Variants in LSS observed in about 807,000 individuals in gnomAD.
LSS encodes the protein lanosterol synthase.
LSS carries 90 observed loss-of-function variants against 110.3 expected under a neutral mutation model. That is an observed-to-expected ratio of 0.82 (90% CI 0.69 to 0.97). The LOEUF (loss-of-function observed/expected upper bound fraction) is 0.97. Ranked by LOEUF, LSS falls within the 50% of genes least tolerant of loss-of-function variation. The probability of loss-of-function intolerance (pLI) is 0.00; values close to 1 mark genes in which losing one functional copy is unlikely to be tolerated. For synonymous variants in LSS, 433 were observed against 400.0 expected (o/e 1.08, Z -0.98); for missense variants, 927 against 990.0 (o/e 0.94, Z 0.85).
intron 14 of LSS, 28 bp from the exon 15 acceptor site, chr21:46,207,605 C>A (rs1485409678): frequency 6.2e-7 from 1 of 1,600,636 alleles, no homozygotes; most frequent in Non-Finnish European, 8.5e-7. Flanking sequence ...TGACTCCAGG[C>A]TGGGGGTGTC....
At chr21:46,208,460 C>T (rs1344644961) in intron 13 of LSS, among the ~76,000 whole-genome samples, 159 bp from the exon 14 acceptor site, 5 of 152,208 alleles carry the variant, frequency 3.3e-5, no homozygotes, top group Non-Finnish European at 7.3e-5. Context: ...CTGCGAGGCG[C>T]GCGAGGGCCT....
chr21:46,222,828 C>T, intron 3 of LSS, 90 bp from the exon 4 acceptor site: 1 of 907,104 alleles, frequency 1.1e-6, no homozygotes, highest in South Asian at 1.4e-5. Context: ...CTCACTCCAA[C>T]AGGGAGCTAC....
chr21:46,228,490 C>G lies in LSS; in HGVS notation c.124G>C (p.Glu42Gln), dbSNP rs1569040139. The change falls in exon 2 of 22, where the codon GAG (glutamate) becomes CAG (glutamine). Residue 42 changes from glutamate (E) to glutamine (Q), a missense_variant. Transcript: ENST00000397728. ...GRQTWTYLQD[E>Q]RAGREQTGLE... ...CCGGTCTGCTCGCGGCCGGCGCGCTCGTCCTGCAGGTAGGTCCACGTCTGC... is the reference window on the plus strand; with the variant it reads ...CCGGTCTGCTCGCGGCCGGCGCGCTGGTCCTGCAGGTAGGTCCACGTCTGC... The G allele has an allele frequency of 6.2e-7, 1 of 1,603,246 alleles. No homozygotes were observed.
chr21:46,191,806 A>C, intron 21 of LSS, 75 bp downstream of exon 21: 1 of 1,248,482 alleles, frequency 8.0e-7, no homozygotes, highest in Non-Finnish European at 1.2e-6. Flanking sequence ...GACACAGAGC[A>C]GGGGGACGTG....
In LSS at chr21:46,206,780, G is replaced by A. The variant is rs1324430453; in HGVS notation, c.1468-12C>T. The A allele has an allele frequency of 6.2e-7, 1 of 1,604,638 alleles. No individual in the cohort carries two copies. The highest frequency in any genetic ancestry group is 8.5e-7 in the Non-Finnish European group (1 of 1,175,766). On this transcript the variant is annotated splice_polypyrimidine_tract_variant and intron_variant, in intron 15 of 21. Transcript: ENST00000397728. The stretch of plus-strand genomic sequence containing the variant: ...CTCATGTTCAGCAGCTGAAATCACA[G>A]AGAGCACCCTAGAACTCGCCCATGT...
chr21:46,208,125 G>T, intron 14 of LSS, 126 bp downstream of exon 14: 1 of 814,422 alleles, frequency 1.2e-6, no homozygotes, highest in South Asian at 1.6e-5. Context: ...ACCACAGCAG[G>T]ACACCCAAAA....
chr21:46,206,097 A>G (rs953762325), intron 16 of LSS, among the ~76,000 whole-genome samples, 156 bp from the exon 17 acceptor site: 8 of 152,208 alleles, frequency 5.3e-5, no homozygotes, highest in Non-Finnish European at 1.2e-4. Flanking sequence ...CGGCTGGTCC[A>G]GGACACACAC....
chr21:46,209,439 A>T lies in LSS; in HGVS notation c.1266+115T>A, dbSNP rs1569027092. On this transcript the variant is annotated intron_variant, in intron 13 of 21. Coordinates refer to ENST00000397728, the MANE Select transcript of LSS (RefSeq NM_002340.6). This position sits in a 1 kb window ranked among gnomAD's most constrained non-coding sequence, Gnocchi z 4.4. Reference sequence around the variant, plus strand: ...GATGGGAGGGTGGGGGTGACCTGAAACACCAGTGCAGGAAATAGGGCAGGG... The same window carrying T: ...GATGGGAGGGTGGGGGTGACCTGAATCACCAGTGCAGGAAATAGGGCAGGG... 2.1e-6 allele frequency: 2 copies of T among 930,576 alleles called. No homozygotes were observed. Among genetic ancestry groups the T allele is most frequent in the Admixed American group, 2.6e-5 (1 of 37,976 alleles). 57.6% of individuals were successfully genotyped at this position (930,576 alleles called of 1,614,324 possible). A position where few individuals can be genotyped will look rare whatever the true frequency, so the allele number is the denominator to read the frequency against.
chr21:46,221,640 G>A (rs2080280381), intron 5 of LSS: 2 of 620,760 alleles, frequency 3.2e-6, no homozygotes, highest in African/African-American at 1.8e-5. Context: ...TTGCAGGCGT[G>A]AGCCACTCAC....
Position 46,222,610 on chromosome 21 carries a change from A to G in LSS, c.428+20T>C. On this transcript the variant is annotated intron_variant, in intron 4 of 21. Coordinates refer to ENST00000397728, the MANE Select transcript of LSS (RefSeq NM_002340.6). ...CACACACATGCACATGTGCAGTGACACAGGGGCAGGCACACTCACAGGCCC... is the reference window on the plus strand; with the variant it reads ...CACACACATGCACATGTGCAGTGACGCAGGGGCAGGCACACTCACAGGCCC... 6.2e-7 allele frequency: 1 copy of G among 1,601,996 alleles called. No homozygotes were observed. Among genetic ancestry groups the G allele is most frequent in the South Asian group, 1.1e-5 (1 of 90,808 alleles).
In LSS at chr21:46,194,669, G is replaced by C. The variant is rs1569017685; in HGVS notation, c.1818-8C>G. On this transcript the variant is annotated splice_polypyrimidine_tract_variant and splice_region_variant and intron_variant, in intron 19 of 21. Coordinates refer to ENST00000397728, the MANE Select transcript of LSS (RefSeq NM_002340.6). ...ACCTCTGCACAGGCAGTCCTGCAAA[G>C]ACCAGAGACAGGAGACACCATCACA... 1 of 1,609,728 alleles carries C rather than the reference G, an allele frequency of 6.2e-7. No individual in the cohort carries two copies. Among genetic ancestry groups the C allele is most frequent in the Admixed American group, 1.7e-5 (1 of 59,600 alleles).
rs923043786 is a variant in LSS, at chr21:46,189,693, G to C, written c.*1411C>G. 4.4e-6 allele frequency: 2 copies of C among 456,608 alleles called. No homozygotes were observed. Among genetic ancestry groups the C allele is most frequent in the Non-Finnish European group, 8.8e-6 (2 of 226,950 alleles). The allele number at this position is 456,608 out of a possible 1,614,324, so 28.3% of individuals were successfully genotyped here. ...GCAGATCTCCACTGCCTGAGGGAGA[G>C]TGATCAGCCAGGGGGAGAGGCCAGG... On this transcript the variant is annotated 3_prime_UTR_variant, in exon 22 of 22. Transcript: ENST00000397728.
chr21:46,208,148 G>T, intron 14 of LSS, 103 bp downstream of exon 14: 1 of 1,093,548 alleles, frequency 9.1e-7, no homozygotes, highest in Non-Finnish European at 1.4e-6. Context: ...GCCAAGGGAG[G>T]AGTCCCCCAG....
At position 46,190,671 on chromosome 21, in the gene LSS, C is replaced by T; in HGVS notation, c.*433G>A. 1 of 181,884 alleles carries T rather than the reference C, an allele frequency of 5.5e-6. No homozygotes were observed. The highest frequency in any genetic ancestry group is 1.1e-5 in the Non-Finnish European group (1 of 87,010). 11.3% of individuals were successfully genotyped at this position (181,884 alleles called of 1,614,324 possible). ...CCCTCAGCCCAGCAGACAAAAGGTG[C>T]AGGAGAAGCCTGCCCAGGGCCGACC... On this transcript the variant is annotated 3_prime_UTR_variant, in exon 22 of 22. Coordinates refer to ENST00000397728, the MANE Select transcript of LSS (RefSeq NM_002340.6). The surrounding 1 kb of genome is among the most constrained non-coding windows in gnomAD (Gnocchi z 4.6).
chr21:46,224,618 A>G (rs2080315156), intron 3 of LSS: 1 of 152,118 alleles, frequency 6.6e-6, no homozygotes, highest in Non-Finnish European at 1.5e-5. Flanking sequence ...ATGTGCAGAG[A>G]GGAGCAGAGC....
At chr21:46,194,470 G>C in intron 20 of LSS, 21 bp downstream of exon 20, 1 of 1,611,852 alleles carries the variant, frequency 6.2e-7, no homozygotes, top group Middle Eastern at 1.8e-4. Flanking sequence ...CAAGGCTCAG[G>C]GACGGTCCCG....
At chr21:46,224,529 C>G (rs2080314302) in intron 3 of LSS, 1 of 152,230 alleles carries the variant, frequency 6.6e-6, no homozygotes, top group Non-Finnish European at 1.5e-5. Context: ...AGAGACAGCG[C>G]ACAGGGTCAC....
chr21:46,217,115 T>C (rs2080216525), intron 6 of LSS, among the ~76,000 whole-genome samples: 1 of 151,114 alleles, frequency 6.6e-6, no homozygotes, highest in African/African-American at 2.4e-5. Context: ...GGCATGGTGG[T>C]GTGTGCCTCT....
intron 11 of LSS, among the ~76,000 whole-genome samples, chr21:46,212,436 C>T (rs2080145993): frequency 6.6e-6 from 1 of 152,238 alleles, no homozygotes; most frequent in Non-Finnish European, 1.5e-5. Flanking sequence ...CAGAGGGGCG[C>T]AGGCTCAGCC....
Sources: gnomAD v4.1 joint callset for allele counts (sites outside exome capture counted in the v4.1 genomes callset) on GRCh38, gnomAD v4.1.1 for gene constraint, Gnocchi (gnomAD v3.1) non-coding constraint, MANE v1.5 for transcripts, NCBI Gene and HGNC (gene_info 2026-07-23, HGNC 2026-07-21) for gene names.